Variants in ZNF483 observed in about 807,000 individuals in gnomAD.
ZNF483 encodes zinc finger protein 483.
A neutral mutation model predicts 28.6 loss-of-function variants in ZNF483; 9 were observed. That is an observed-to-expected ratio of 0.32 (90% CI 0.19 to 0.55). The LOEUF (loss-of-function observed/expected upper bound fraction) is 0.55. ZNF483 is among the 20% of genes least tolerant of loss of function. ZNF483 has a pLI of 0.93. For synonymous variants in ZNF483, 322 were observed against 306.2 expected (o/e 1.05, Z -0.54); for missense variants, 675 against 871.7 (o/e 0.77, Z 2.84).
chr9:111,528,436 G>A (rs80243781), intron 2 of ZNF483, among the ~76,000 whole-genome samples: 9,780 of 152,238 alleles, frequency 0.064, 441 homozygotes, highest in East Asian at 0.15. Flanking sequence ...AAATACAAAT[G>A]TATAAACTAT....
At chr9:111,565,982 C>T (rs144199697) in intron 5 of ZNF483, among the ~76,000 whole-genome samples, 5 of 152,062 alleles carry the variant, frequency 3.3e-5, no homozygotes, top group African/African-American at 1.2e-4. Flanking sequence ...GAGGCTGAGG[C>T]AGGAGAATCA....
At chr9:111,534,123 TCAAG>T in intron 4 of ZNF483, 134 bp from the exon 5 acceptor site, 1 of 831,248 alleles carries the variant, frequency 1.2e-6, no homozygotes, top group Non-Finnish European at 1.9e-6. Flanking sequence ...CATTTTTGTC[TCAAG>T]TTCCAGTATT....
In ZNF483 at chr9:111,554,960, T is replaced by G. The variant is rs1231497250; in HGVS notation, c.*11790T>G. 6.6e-6 allele frequency among the ~76,000 whole-genome samples: 1 copy of G among 152,180 alleles called. No individual in the cohort carries two copies. The highest frequency in any genetic ancestry group is 2.4e-5 in the African/African-American group (1 of 41,446). On this transcript the variant is annotated 3_prime_UTR_variant, in exon 6 of 6. Transcript: ENST00000309235. ...AAATGTCAGTGCCTGTTAATTTTTC[T>G]TTGAGAAGTGTAATTTCTCCAGAGG... is the stretch of plus-strand genomic sequence containing the variant.
exon 6 of ZNF483, chr9:111,577,196 C>T (rs557472409): frequency 6.6e-6 from 1 of 152,064 alleles, no homozygotes; most frequent in Non-Finnish European, 1.5e-5. Flanking sequence ...CAAATACATA[C>T]GTTGAAAGAT....
In ZNF483 at chr9:111,541,815, G is replaced by A. The variant is rs561259741; in HGVS notation, c.880G>A (p.Gly294Ser). Reference protein sequence around the residue: ...RVAQNKTLGSGSRGKKFDPDK... With the variant: ...RVAQNKTLGSSSRGKKFDPDK... ...CGCACAAAACAAAACTCTTGGGAGT[G>A]GCAGTAGGGGTAAGAAATTTGACCC... The change falls in exon 6 of 6, where the codon GGC becomes AGC. Residue 294 changes from glycine (G) to serine (S), a missense_variant. Gly to Ser is a moderately conservative substitution (Grantham distance 56). Transcript: ENST00000309235. 6.2e-7 allele frequency: 1 copy of A among 1,614,132 alleles called. No individual in the cohort carries two copies. The highest frequency in any genetic ancestry group is 1.7e-5 in the Admixed American group (1 of 60,008).
At chr9:111,560,380 A>G (rs1467252016), downstream of ZNF483, among the ~76,000 whole-genome samples, 1 of 151,146 alleles carries the variant, frequency 6.6e-6, no homozygotes, top group Non-Finnish European at 1.5e-5. Flanking sequence ...AGGCTGAGGC[A>G]GGAGAATCGC....
Position 111,544,356 on chromosome 9 carries a change from G to C in ZNF483, c.*1186G>C. On this transcript the variant is annotated 3_prime_UTR_variant, in exon 6 of 6. Transcript: ENST00000309235. ...TGCTTGGGTGTGTGTGCATGTGTGT[G>C]TGTGTGTGTGTGTGTGTATACATTG... The C allele has an allele frequency of 1.0e-6, 1 of 982,356 alleles. No individual in the cohort carries two copies. Among genetic ancestry groups the C allele is most frequent in the Non-Finnish European group, 1.2e-6 (1 of 827,410 alleles). The allele number at this position is 982,356 out of a possible 1,614,324, so 60.9% of individuals were successfully genotyped here. A position where few individuals can be genotyped will look rare whatever the true frequency, so the allele number is the denominator to read the frequency against.
chr9:111,547,937 T>C lies in ZNF483; in HGVS notation c.*4767T>C, dbSNP rs543496115. On this transcript the variant is annotated 3_prime_UTR_variant, in exon 6 of 6. Transcript: ENST00000309235. ...TCTTGTCAAAGATCATTTGACCATA[T>C]ACATGCATGTTTATTTCTGGCTGTC... 3.3e-5 allele frequency among the ~76,000 whole-genome samples: 5 copies of C among 152,344 alleles called. No homozygotes were observed. The highest frequency in any genetic ancestry group is 1.2e-4 in the African/African-American group (5 of 41,594).
chr9:111,541,800 A>C lies in ZNF483; in HGVS notation c.865A>C (p.Lys289Gln). ...GNSKGRVAQN[K>Q]TLGSGSRGKK... ...TTCAAAAGGAAGAGTCGCACAAAACAAAACTCTTGGGAGTGGCAGTAGGGG... is the reference window on the plus strand; with the variant it reads ...TTCAAAAGGAAGAGTCGCACAAAACCAAACTCTTGGGAGTGGCAGTAGGGG... Residue 289 changes from lysine to glutamine, a missense_variant, in exon 6 of 6, where the codon AAA becomes CAA. Physicochemically the swap from Lys to Gln is moderately conservative, Grantham distance 53. Around this residue, in one of 6 missense-constraint regions of ZNF483, gnomAD observed 525 missense variants for 581.8 expected, o/e 0.90. Transcript: ENST00000309235. 1 of 1,614,210 alleles carries C rather than the reference A, an allele frequency of 6.2e-7. No individual in the cohort carries two copies. Among genetic ancestry groups the C allele is most frequent in the East Asian group, 2.2e-5 (1 of 44,884 alleles).
At position 111,541,791 on chromosome 9, in the gene ZNF483, G is replaced by A. The variant is rs146828490; in HGVS notation, c.856G>A (p.Ala286Thr). The change falls in exon 6 of 6, where the codon GCA (alanine) becomes ACA (threonine). Residue 286 changes from alanine (A) to threonine (T), a missense_variant. By Grantham distance (58) the Ala-to-Thr change is moderately conservative. Coordinates refer to ENST00000309235, the MANE Select transcript of ZNF483 (RefSeq NM_133464.5). ...GNQGNSKGRVAQNKTLGSGSR... is the reference protein window; with the variant it reads ...GNQGNSKGRVTQNKTLGSGSR... Reference sequence around the variant, plus strand: ...TCAGGGAAATTCAAAAGGAAGAGTCGCACAAAACAAAACTCTTGGGAGTGG... The same window carrying A: ...TCAGGGAAATTCAAAAGGAAGAGTCACACAAAACAAAACTCTTGGGAGTGG... The A allele has an allele frequency of 5.3e-5, 85 of 1,614,034 alleles. No homozygotes were observed. The highest frequency in any genetic ancestry group is 2.5e-4 in the Admixed American group (15 of 59,990).
intron 2 of ZNF483, among the ~76,000 whole-genome samples, chr9:111,528,785 T>A (rs1406101870): frequency 2.0e-5 from 3 of 152,174 alleles, no homozygotes; most frequent in Non-Finnish European, 2.9e-5. Context: ...GACTCCTCTG[T>A]GATTTGTCAC....
chr9:111,569,075 G>A (rs116765390), intron 5 of ZNF483, among the ~76,000 whole-genome samples: 1 of 152,170 alleles, frequency 6.6e-6, no homozygotes, highest in African/African-American at 2.4e-5. Context: ...GAGCAGGAAA[G>A]ATCAAAATAT....
rs151251306 is a variant in ZNF483 at position 111,530,938 on chromosome 9, C to A, written c.476C>A (p.Thr159Asn). The change falls in exon 3 of 6, where the codon ACT becomes AAT. Residue 159 changes from threonine (T) to asparagine (N), a missense_variant. Coordinates refer to ENST00000309235, the MANE Select transcript of ZNF483 (RefSeq NM_133464.5). ...EENSKEDKMV[T>N]VCPNTESCES... ...AACTCAAAAGAGGATAAAATGGTCA[C>A]TGTTTGTCCCAATACTGAGTCCTGT... is the stretch of plus-strand genomic sequence containing the variant. 46 of 1,555,884 alleles carry A rather than the reference C, an allele frequency of 3.0e-5. 1 individual carries two copies. Among genetic ancestry groups the A allele is most frequent in the Non-Finnish European group, 4.0e-5 (46 of 1,141,532 alleles).
rs1828084246 is a variant in ZNF483, at chr9:111,555,109, CCT to C, written c.*11940_*11941del. On this transcript the variant is annotated 3_prime_UTR_variant, in exon 6 of 6. Transcript: ENST00000309235. ...GTGGGATAGGAGTTGGAGTTCATCCCCTTTTATTCAGACTTCCACTTAGTATC... is the reference window on the plus strand; with the variant it reads ...GTGGGATAGGAGTTGGAGTTCATCCCTTTATTCAGACTTCCACTTAGTATC... Among the ~76,000 whole-genome samples the C allele has an allele frequency of 6.6e-6, 1 of 152,110 alleles. No individual in the cohort carries two copies. Among genetic ancestry groups the C allele is most frequent in the African/African-American group, 2.4e-5 (1 of 41,418 alleles).
rs1433129112 is a variant in ZNF483 at position 111,550,719 on chromosome 9, C to T, written c.*7549C>T. Among the ~76,000 whole-genome samples, 1 of 152,168 alleles carries T rather than the reference C, an allele frequency of 6.6e-6. No individual in the cohort carries two copies. The highest frequency in any genetic ancestry group is 1.9e-4 in the East Asian group (1 of 5,198). ...ATTTCTTCAACTTTATCTTCCAGCT[C>T]TACTATTAAATGTTGTGAATGTTTT... On this transcript the variant is annotated 3_prime_UTR_variant, in exon 6 of 6. Transcript: ENST00000309235.
chr9:111,569,975 G>A, intron 5 of ZNF483: 1 of 1,511,602 alleles, frequency 6.6e-7, no homozygotes, highest in Non-Finnish European at 9.0e-7. Context: ...TGACCCAATA[G>A]GGAAAAACTG....
chr9:111,540,562 A>G (rs1415855597), intron 5 of ZNF483, among the ~76,000 whole-genome samples: 1 of 152,120 alleles, frequency 6.6e-6, no homozygotes, highest in Non-Finnish European at 1.5e-5. Flanking sequence ...AATGCATTCT[A>G]TGTAGTAGGA....
chr9:111,541,610 C>T (rs760116320), intron 5 of ZNF483, 47 bp from the exon 6 acceptor site: 1 of 1,478,362 alleles, frequency 6.8e-7, no homozygotes, highest in Non-Finnish European at 9.1e-7. Flanking sequence ...AATACAACAG[C>T]TTCCTTTCTT....
intron 5 of ZNF483, among the ~76,000 whole-genome samples, chr9:111,575,996 A>G (rs1023167922): frequency 6.6e-6 from 1 of 152,022 alleles, no homozygotes; most frequent in Non-Finnish European, 1.5e-5. Flanking sequence ...TCTACAAAAA[A>G]AAAATACATA....
Sources: allele counts gnomAD v4.1 joint callset (sites outside exome capture counted in the v4.1 genomes callset), GRCh38; gene constraint gnomAD v4.1.1; regional missense constraint gnomAD v4.1.1; transcripts MANE v1.5; gene names NCBI Gene and HGNC (gene_info 2026-07-23, HGNC 2026-07-21).